The following AGTPBP1 variants were observed in gnomAD, a reference collection of about 807,000 sequenced individuals.
The protein encoded by AGTPBP1 is ATP/GTP binding carboxypeptidase 1, also known as cytosolic carboxypeptidase 1.
In AGTPBP1, 70 loss-of-function variants were observed where a neutral mutation model predicts 143.9. That is an observed-to-expected ratio of 0.49 (90% CI 0.40 to 0.59). AGTPBP1 has a LOEUF of 0.59. Ranked by LOEUF, AGTPBP1 falls within the 20% of genes least tolerant of loss-of-function variation. The probability of loss-of-function intolerance (pLI) is 0.00; values close to 1 mark genes in which losing one functional copy is unlikely to be tolerated. For synonymous variants in AGTPBP1, 463 were observed against 500.2 expected (o/e 0.93, Z 0.99); for missense variants, 1,229 against 1,464.5 (o/e 0.84, Z 2.62).
At chr9:85,804,124 G>GA in the AGTPBP1 span, among the ~76,000 whole-genome samples, 1,682 of 147,368 alleles carry the variant, frequency 0.011, 27 homozygotes, top group Middle Eastern at 0.067. Flanking sequence ...CTAGCATAAA[G>GA]AAAAAAAAAA....
At chr9:85,767,074 T>C in the AGTPBP1 span, among the ~76,000 whole-genome samples, 7 of 151,400 alleles carry the variant, frequency 4.6e-5, no homozygotes, top group Admixed American at 1.3e-4. Context: ...TTTAGATTTC[T>C]AATAATACAG....
chr9:85,715,808 C>T (rs934537971), intron 1 of AGTPBP1, among the ~76,000 whole-genome samples: 4 of 152,120 alleles, frequency 2.6e-5, no homozygotes, highest in Non-Finnish European at 4.4e-5. Context: ...TTGCATTTCA[C>T]CAAGTTTGTG....
intron 3 of AGTPBP1, among the ~76,000 whole-genome samples, chr9:85,685,890 C>A (rs1835456532): frequency 6.6e-6 from 1 of 151,768 alleles, no homozygotes; most frequent in Non-Finnish European, 1.5e-5. Flanking sequence ...AATAATAATT[C>A]TAAGCAAACT....
At chr9:85,750,121 A>G in the AGTPBP1 span, among the ~76,000 whole-genome samples, 1,658 of 152,224 alleles carry the variant, frequency 0.011, 19 homozygotes, top group African/African-American at 0.038. Flanking sequence ...TGACATTGTG[A>G]TCTACCCGCC....
intron 14 of AGTPBP1, among the ~76,000 whole-genome samples, chr9:85,628,752 T>A (rs1223863518): frequency 6.6e-6 from 1 of 152,160 alleles, no homozygotes; most frequent in Non-Finnish European, 1.5e-5. Flanking sequence ...CTCACTCTGT[T>A]GCCCAAGCTG....
rs141836527 is a variant in AGTPBP1 at position 85,668,766 on chromosome 9, ATTAATAT to A, written c.662+712_662+718del. The stretch of plus-strand genomic sequence containing the variant: ...TCAGAATTGTTAAACACAACAAGTA[ATTAATAT>A]AACTCAATATAATCAGTTTAATATA... On this transcript the variant is annotated intron_variant, in intron 8 of 25. Coordinates refer to ENST00000357081, the MANE Select transcript of AGTPBP1 (RefSeq NM_001330701.2). 3.4e-3 allele frequency among the ~76,000 whole-genome samples: 516 copies of A among 151,808 alleles called. 3 individuals are homozygous for A. Among genetic ancestry groups the A allele is most frequent in the East Asian group, 0.024 (126 of 5,178 alleles).
At chr9:85,665,840 C>T (rs1834098522) in intron 8 of AGTPBP1, among the ~76,000 whole-genome samples, 1 of 152,018 alleles carries the variant, frequency 6.6e-6, no homozygotes, top group Non-Finnish European at 1.5e-5. Context: ...AAGTTTGGTG[C>T]AAAGTCATTT....
chr9:85,604,008 A>T (rs1184053335), intron 17 of AGTPBP1, among the ~76,000 whole-genome samples: 19 of 152,240 alleles, frequency 1.2e-4, no homozygotes, highest in Admixed American at 1.2e-3. Flanking sequence ...TCCCGACTCT[A>T]GGCCCTGAAT....
rs189522320 is a variant in AGTPBP1, at chr9:85,691,704, T to C, written c.157+985A>G. Among the ~76,000 whole-genome samples, 335 of 152,262 alleles carry C rather than the reference T, an allele frequency of 2.2e-3. 3 individuals carry two copies. Among genetic ancestry groups the C allele is most frequent in the African/African-American group, 7.7e-3 (320 of 41,546 alleles). On this transcript the variant is annotated intron_variant, in intron 3 of 25. Transcript: ENST00000357081. ...GGTATCTTGCGTTCCTGAAATGTGT[T>C]CTTTAACAATGATATTCATATTTCC...
At chr9:85,723,736 G>A (rs543694752) in intron 1 of AGTPBP1, among the ~76,000 whole-genome samples, 2 of 152,212 alleles carry the variant, frequency 1.3e-5, no homozygotes, top group African/African-American at 4.8e-5. Context: ...TACCTTAGTT[G>A]GAAATGCAGA....
rs1420730699 is a variant in AGTPBP1, at chr9:85,633,112, G to A, written c.1565C>T (p.Ser522Leu). Reference protein sequence around the residue: ...QPGDQNRTISSVHGLNNDIVK... With the variant: ...QPGDQNRTISLVHGLNNDIVK... ...AATATCATTGTTTAAACCATGGACTGATGAAATAGTTCTATTTTGATCACC... is the reference window on the plus strand; with the variant it reads ...AATATCATTGTTTAAACCATGGACTAATGAAATAGTTCTATTTTGATCACC... Residue 522 changes from serine (S) to leucine (L), a missense_variant, in exon 14 of 26, where the codon TCA (serine) becomes TTA (leucine). This residue lies in a region of AGTPBP1 where 743 missense variants were observed against 812.2 expected (regional missense o/e 0.91). Coordinates refer to ENST00000357081, the MANE Select transcript of AGTPBP1 (RefSeq NM_001330701.2). 2 of 1,614,132 alleles carry A rather than the reference G, an allele frequency of 1.2e-6. No homozygotes were observed. The highest frequency in any genetic ancestry group is 1.7e-5 in the Admixed American group (1 of 60,006).
At chr9:85,606,487 C>A (rs776453376) in intron 17 of AGTPBP1, among the ~76,000 whole-genome samples, 1 of 150,804 alleles carries the variant, frequency 6.6e-6, no homozygotes, top group African/African-American at 2.4e-5. Context: ...CTATGGAAAA[C>A]AGTACAGAAA....
chr9:85,577,558 G>A (rs1432708520), intron 24 of AGTPBP1, among the ~76,000 whole-genome samples: 1 of 152,130 alleles, frequency 6.6e-6, no homozygotes, highest in Non-Finnish European at 1.5e-5. Context: ...CTGACTAGAA[G>A]TCACTGTTTT....
chr9:85,604,846 G>A (rs761971974), intron 17 of AGTPBP1, among the ~76,000 whole-genome samples: 6 of 152,036 alleles, frequency 3.9e-5, no homozygotes, highest in Admixed American at 6.6e-5. Context: ...ACATACTGAA[G>A]AATGCATTAT....
chr9:85,772,960 C>A, the AGTPBP1 span, among the ~76,000 whole-genome samples: 1 of 151,830 alleles, frequency 6.6e-6, no homozygotes, highest in Non-Finnish European at 1.5e-5. Context: ...ATTAGAGCAA[C>A]AATATATTAA....
In AGTPBP1 at chr9:85,646,530, A is replaced by G. The variant is rs192333241; in HGVS notation, c.1088-112T>C. On this transcript the variant is annotated intron_variant, in intron 11 of 25. Coordinates refer to ENST00000357081, the MANE Select transcript of AGTPBP1 (RefSeq NM_001330701.2). Reference sequence around the variant, plus strand: ...TATTTCAATCACCAGAGAAAAAGTAAATGAGATTTCTTATTTAACATCTCT... The same window carrying G: ...TATTTCAATCACCAGAGAAAAAGTAGATGAGATTTCTTATTTAACATCTCT... The G allele has an allele frequency of 3.9e-4, 292 of 752,340 alleles. 1 individual carries two copies. The Middle Eastern group carries it at 6.8e-3, about 18-fold the overall frequency. The allele number at this position is 752,340 out of a possible 1,614,324, so 46.6% of individuals were successfully genotyped here. A position where few individuals can be genotyped will look rare whatever the true frequency, so the allele number is the denominator to read the frequency against.
chr9:85,763,109 A>C, the AGTPBP1 span, among the ~76,000 whole-genome samples: 7 of 152,152 alleles, frequency 4.6e-5, no homozygotes, highest in South Asian at 1.2e-3. Context: ...CTAATAAATA[A>C]TTTTCTTCTT....
intron 17 of AGTPBP1, among the ~76,000 whole-genome samples, chr9:85,611,656 TG>T (rs1433298636): frequency 6.6e-6 from 1 of 152,148 alleles, no homozygotes; most frequent in African/African-American, 2.4e-5. Context: ...TATAGAAAGT[TG>T]AATAGATGTA....
chr9:85,556,128 C>G (rs548731966), intron 25 of AGTPBP1, among the ~76,000 whole-genome samples: 1 of 151,670 alleles, frequency 6.6e-6, no homozygotes, highest in Non-Finnish European at 1.5e-5. Flanking sequence ...TATCGCTGAA[C>G]CTAGAAGTTT....
Sources: allele counts gnomAD v4.1 joint callset (sites outside exome capture counted in the v4.1 genomes callset), GRCh38; gene constraint gnomAD v4.1.1; regional missense constraint gnomAD v4.1.1; transcripts MANE v1.5; gene names NCBI Gene and HGNC (gene_info 2026-07-23, HGNC 2026-07-21).